Variants in LAMP3 observed in about 807,000 individuals in gnomAD.
LAMP3 encodes the protein lysosome-associated membrane glycoprotein 3.
In LAMP3, 26 loss-of-function variants were observed where a neutral mutation model predicts 34.8. That is an observed-to-expected ratio of 0.75 (90% CI 0.55 to 1.04). LAMP3 has a LOEUF of 1.04. LAMP3 is among the 50% of genes least tolerant of loss of function. The probability of loss-of-function intolerance (pLI) is 0.00; values close to 1 mark genes in which losing one functional copy is unlikely to be tolerated. For missense variants in LAMP3, 495 were observed against 524.0 expected (o/e 0.94, Z 0.54); for synonymous variants, 180 against 201.9 (o/e 0.89, Z 0.92).
intron 5 of LAMP3, 121 bp from the exon 6 acceptor site, chr3:183,124,335 A>G (rs1465024219): frequency 2.4e-6 from 2 of 816,676 alleles, no homozygotes; most frequent in East Asian, 3.1e-5. Context: ...TAACTCCACC[A>G]TTAACTAGCT....
intron 5 of LAMP3, among the ~76,000 whole-genome samples, chr3:183,135,405 A>G (rs74856575): frequency 0.035 from 5,326 of 152,338 alleles, 152 homozygotes; most frequent in Admixed American, 0.088. Flanking sequence ...ATTTACACCC[A>G]ACAGGACATA....
intron 3 of LAMP3, among the ~76,000 whole-genome samples, chr3:183,144,433 T>C (rs927158764): frequency 4.6e-5 from 7 of 152,230 alleles, no homozygotes; most frequent in African/African-American, 1.7e-4. Flanking sequence ...AGTCTCTCAT[T>C]TTACCTGAAG....
upstream of LAMP3, chr3:183,163,476 G>A (rs1206591391): frequency 1.3e-5 from 2 of 151,326 alleles, no homozygotes; most frequent in Non-Finnish European, 2.9e-5. Flanking sequence ...TTTTAGTAGA[G>A]ACGGGGTTTC....
At chr3:183,127,135 T>A (rs565277503) in intron 5 of LAMP3, among the ~76,000 whole-genome samples, 112 of 152,098 alleles carry the variant, frequency 7.4e-4, no homozygotes, top group African/African-American at 2.5e-3. Context: ...TCTCTTCAAC[T>A]CCCCCAATTT....
intron 5 of LAMP3, among the ~76,000 whole-genome samples, chr3:183,134,276 G>A (rs184016826): frequency 9.2e-4 from 139 of 151,708 alleles, no homozygotes; most frequent in African/African-American, 3.3e-3. Context: ...GGAGAACTCT[G>A]AAGTCTGTTG....
At chr3:183,128,244 C>T (rs1363173079) in intron 5 of LAMP3, among the ~76,000 whole-genome samples, 1 of 152,016 alleles carries the variant, frequency 6.6e-6, no homozygotes, top group Non-Finnish European at 1.5e-5. Flanking sequence ...AGTTTCACTT[C>T]CACCCTTGCC....
chr3:183,148,225 A>G (rs1322295082), intron 3 of LAMP3, among the ~76,000 whole-genome samples: 1 of 152,220 alleles, frequency 6.6e-6, no homozygotes. Flanking sequence ...CACTAAAAGA[A>G]ATCACTGGGA....
At chr3:183,134,189 G>C (rs1224563380) in intron 5 of LAMP3, among the ~76,000 whole-genome samples, 1 of 152,148 alleles carries the variant, frequency 6.6e-6, no homozygotes, top group African/African-American at 2.4e-5. Context: ...GGGAGAACAA[G>C]GGGAACATTT....
In LAMP3 at chr3:183,123,940, A is replaced by C. The variant is rs146384926; in HGVS notation, c.*141T>G. 2.6e-4 allele frequency: 217 copies of C among 819,120 alleles called. No individual in the cohort carries two copies. In the East Asian group the frequency reaches 5.8e-3, roughly 22 times the overall value. The allele number at this position is 819,120 out of a possible 1,614,324, so 50.7% of individuals were successfully genotyped here. On this transcript the variant is annotated 3_prime_UTR_variant, in exon 6 of 6. Coordinates refer to ENST00000265598, the MANE Select transcript of LAMP3 (RefSeq NM_014398.4). ...TGTGCTGCCTGAACTTAAATCACACATGACTCACTTCATTTGAATAGAAGA... is the reference window on the plus strand; with the variant it reads ...TGTGCTGCCTGAACTTAAATCACACCTGACTCACTTCATTTGAATAGAAGA...
intron 3 of LAMP3, among the ~76,000 whole-genome samples, chr3:183,146,784 T>C (rs1165011264): frequency 1.3e-5 from 2 of 151,738 alleles, no homozygotes; most frequent in Non-Finnish European, 2.9e-5. Flanking sequence ...CACCTCGGCC[T>C]CCCAAAGTGC....
At chr3:183,155,552 C>T (rs1472955176) in intron 1 of LAMP3, among the ~76,000 whole-genome samples, 1 of 152,218 alleles carries the variant, frequency 6.6e-6, no homozygotes, top group Non-Finnish European at 1.5e-5. Flanking sequence ...CATGATTCTC[C>T]ACTGCAGTGT....
At position 183,152,300 on chromosome 3, in the gene LAMP3, C is replaced by T. The variant is rs1266801152; in HGVS notation, c.888+75G>A. ...GATCTCAAACTGAAGTGTGGGGTTG[C>T]ACCACCTGGCCCCAGGATGAGGGAG... On this transcript the variant is annotated intron_variant, in intron 3 of 5. Transcript: ENST00000265598. 42 of 1,468,988 alleles carry T rather than the reference C, an allele frequency of 2.9e-5. 1 individual carries two copies. Among genetic ancestry groups the T allele is most frequent in the Non-Finnish European group, 3.8e-5 (42 of 1,099,190 alleles). The allele number at this position is 1,468,988 out of a possible 1,614,324, so 91.0% of individuals were successfully genotyped here. A position where few individuals can be genotyped will look rare whatever the true frequency, so the allele number is the denominator to read the frequency against.
At chr3:183,131,887 G>C (rs992439064) in intron 5 of LAMP3, 2 of 974,264 alleles carry the variant, frequency 2.1e-6, no homozygotes, top group Admixed American at 6.2e-5. Flanking sequence ...TATTTTAATA[G>C]AATTTTTCCC....
At chr3:183,129,479 G>A (rs116723189) in intron 5 of LAMP3, among the ~76,000 whole-genome samples, 1,976 of 151,770 alleles carry the variant, frequency 0.013, 21 homozygotes, top group South Asian at 0.058. Context: ...TTAATCATAA[G>A]GTTTATCTGT....
At chr3:183,140,437 A>AGAACC in intron 4 of LAMP3, 101 bp downstream of exon 4, 1 of 437,530 alleles carries the variant, frequency 2.3e-6, no homozygotes. Flanking sequence ...AAAAAAAAAA[A>AGAACC]AAGCAGCATC....
chr3:183,159,375 A>C (rs773986698), intron 1 of LAMP3, among the ~76,000 whole-genome samples: 1 of 152,224 alleles, frequency 6.6e-6, no homozygotes, highest in Admixed American at 6.5e-5. Context: ...AGGGGTCAGC[A>C]TGACGGGAAC....
chr3:183,127,169 C>A (rs1161429386), intron 5 of LAMP3, among the ~76,000 whole-genome samples: 2 of 152,144 alleles, frequency 1.3e-5, no homozygotes, highest in African/African-American at 4.8e-5. Context: ...GGGTCTTGCT[C>A]TGTTGCCCAG....
chr3:183,132,630 A>G, intron 5 of LAMP3: 1 of 985,396 alleles, frequency 1.0e-6, no homozygotes, highest in Non-Finnish European at 1.2e-6. Context: ...CCCCAAAGCA[A>G]CAGGAGGAAG....
intron 5 of LAMP3, among the ~76,000 whole-genome samples, chr3:183,125,095 T>C (rs1026164854): frequency 1.3e-5 from 2 of 152,164 alleles, no homozygotes; most frequent in Non-Finnish European, 2.9e-5. Flanking sequence ...ATGTAATTGA[T>C]TGGGTCAGAG....
Sources: gnomAD v4.1 joint callset for allele counts (sites outside exome capture counted in the v4.1 genomes callset) on GRCh38, gnomAD v4.1.1 for gene constraint, MANE v1.5 for transcripts, NCBI Gene and HGNC (gene_info 2026-07-23, HGNC 2026-07-21) for gene names.